The following RPS6KB1 variants were observed in gnomAD, a reference collection of about 807,000 sequenced individuals.
RPS6KB1 encodes ribosomal protein S6 kinase beta-1.
RPS6KB1 carries 12 observed loss-of-function variants against 70.2 expected under a neutral mutation model. The observed-to-expected ratio is 0.17, with a 90% confidence interval of 0.11 to 0.28. The LOEUF (loss-of-function observed/expected upper bound fraction) is 0.28. Ranked by LOEUF, RPS6KB1 falls within the 10% of genes least tolerant of loss-of-function variation. The probability of loss-of-function intolerance (pLI) is 1.00; values close to 1 mark genes in which losing one functional copy is unlikely to be tolerated. For synonymous variants in RPS6KB1, 175 were observed against 211.2 expected (o/e 0.83, Z 1.49); for missense variants, 270 against 646.6 (o/e 0.42, Z 6.32).
Position 59,944,791 on chromosome 17 carries a change from C to CT in RPS6KB1, c.1228-597dup, listed in dbSNP as rs3066277. ...TTACATTTCTCCTAGTATTTAACATCTTTTTTTTTTTTTTTTTTAATTTTT... is the reference window on the plus strand; with the variant it reads ...TTACATTTCTCCTAGTATTTAACATCTTTTTTTTTTTTTTTTTTTAATTTTT... On this transcript the variant is annotated intron_variant, in intron 13 of 14. Coordinates refer to ENST00000225577, the MANE Select transcript of RPS6KB1 (RefSeq NM_003161.4). Among the ~76,000 whole-genome samples the CT allele has an allele frequency of 3.1e-3, 415 of 134,478 alleles. 2 individuals carry two copies. The highest frequency in any genetic ancestry group is 3.4e-3 in the African/African-American group (126 of 36,534). 88.2% of individuals were successfully genotyped at this position (134,478 alleles called of 152,430 possible).
In RPS6KB1 at chr17:59,934,394, A is replaced by G. The variant is rs1435829292; in HGVS notation, c.780-40A>G. The G allele has an allele frequency of 6.4e-7, 1 of 1,562,692 alleles. No individual in the cohort carries two copies. The highest frequency in any genetic ancestry group is 8.8e-7 in the Non-Finnish European group (1 of 1,133,674). On this transcript the variant is annotated intron_variant, in intron 8 of 14. Coordinates refer to ENST00000225577, the MANE Select transcript of RPS6KB1 (RefSeq NM_003161.4). This position sits in a 1 kb window ranked among gnomAD's most constrained non-coding sequence, Gnocchi z 4.8. ...AAAATTCTAATTCAGATGATATGCA[A>G]ATGGGTGAATTTTTAAGCATATTAT...
intron 12 of RPS6KB1, among the ~76,000 whole-genome samples, chr17:59,938,156 T>C (rs951014288): frequency 4.3e-5 from 6 of 139,032 alleles, no homozygotes; most frequent in African/African-American, 1.6e-4. Context: ...TTTTTTTTCC[T>C]TTTTCTTTTC....
chr17:59,912,166 T>G (rs1369511275), intron 2 of RPS6KB1: 1 of 159,876 alleles, frequency 6.3e-6, no homozygotes, highest in African/African-American at 2.4e-5. Flanking sequence ...ATAATTGTCT[T>G]CTTTTACTTT....
chr17:59,908,638 A>AT (rs2042410902), intron 1 of RPS6KB1, among the ~76,000 whole-genome samples: 1 of 54,036 alleles, frequency 1.9e-5, no homozygotes, highest in Non-Finnish European at 3.2e-5. Context: ...TTTTTTTTTG[A>AT]GACGGAGTCT....
intron 4 of RPS6KB1, among the ~76,000 whole-genome samples, chr17:59,922,370 C>T (rs2043316861): frequency 6.6e-6 from 1 of 151,580 alleles, no homozygotes; most frequent in South Asian, 2.1e-4. Flanking sequence ...AACAAGTGAT[C>T]TGTGGAATGA....
chr17:59,946,780 A>C lies in RPS6KB1; in HGVS notation c.1570A>C (p.Asn524His), dbSNP rs1255679788. ...CAAACGGCCAGAGCACCTGCGTATG[A>C]ATCTATGACAGAGCAATGCTTTTAA... ...ISKRPEHLRM[N>H]L The change falls in exon 15 of 15, where the codon AAT becomes CAT. Residue 524 changes from asparagine to histidine, a missense_variant. Transcript: ENST00000225577. The surrounding 1 kb of genome is among the most constrained non-coding windows in gnomAD (Gnocchi z 4.2). The C allele has an allele frequency of 6.2e-7, 1 of 1,614,022 alleles. No individual in the cohort carries two copies. The highest frequency in any genetic ancestry group is 1.3e-5 in the African/African-American group (1 of 74,912).
chr17:59,935,138 T>C (rs2044155276), intron 9 of RPS6KB1, 55 bp from the exon 10 acceptor site: 4 of 1,067,160 alleles, frequency 3.7e-6, no homozygotes, highest in East Asian at 2.4e-5. Flanking sequence ...TTGTTTCTTA[T>C]ATGCTAATAT....
intron 4 of RPS6KB1, among the ~76,000 whole-genome samples, chr17:59,919,878 G>A (rs1178893388): frequency 6.6e-6 from 1 of 151,912 alleles, no homozygotes; most frequent in East Asian, 1.9e-4. Flanking sequence ...ACCTTGCTGG[G>A]GTTCTATAGA....
At chr17:59,922,746 A>T (rs536714513) in intron 4 of RPS6KB1, among the ~76,000 whole-genome samples, 1 of 151,646 alleles carries the variant, frequency 6.6e-6, no homozygotes, top group Non-Finnish European at 1.5e-5. Flanking sequence ...GGGTTTCACC[A>T]TGTTGGCCAG....
At chr17:59,932,384 C>T (rs1384078067) in intron 7 of RPS6KB1, among the ~76,000 whole-genome samples, 1 of 151,968 alleles carries the variant, frequency 6.6e-6, no homozygotes, top group East Asian at 1.9e-4. Flanking sequence ...TATACTCCAG[C>T]CTGAGTGAAA....
rs759346184 is a variant in RPS6KB1 at position 59,893,331 on chromosome 17, G to A, written c.141+6G>A. On this transcript the variant is annotated splice_donor_region_variant and intron_variant, in intron 1 of 14. Coordinates refer to ENST00000225577, the MANE Select transcript of RPS6KB1 (RefSeq NM_003161.4). This position sits in a 1 kb window ranked among gnomAD's most constrained non-coding sequence, Gnocchi z 4.1. The stretch of plus-strand genomic sequence containing the variant: ...AGGATGAGCTGGAGGAGGGGGTGAG[G>A]CCCGGGGTCCCCGGGGGCCCGAGGT... 1 of 1,600,952 alleles carries A rather than the reference G, an allele frequency of 6.2e-7. No homozygotes were observed. The highest frequency in any genetic ancestry group is 8.5e-7 in the Non-Finnish European group (1 of 1,174,016).
chr17:59,919,554 G>A (rs967615603), intron 4 of RPS6KB1, among the ~76,000 whole-genome samples: 16 of 152,084 alleles, frequency 1.1e-4, no homozygotes, highest in Admixed American at 5.9e-4. Flanking sequence ...CCTGGAAAAA[G>A]CATTCTGGAG....
At chr17:59,942,854 C>T (rs1483058611) in intron 13 of RPS6KB1, among the ~76,000 whole-genome samples, 1 of 152,000 alleles carries the variant, frequency 6.6e-6, no homozygotes, top group African/African-American at 2.4e-5. Flanking sequence ...GTGGCATGCA[C>T]CTGTGGTACC....
chr17:59,897,309 G>A (rs182206534), intron 1 of RPS6KB1, among the ~76,000 whole-genome samples: 4 of 152,268 alleles, frequency 2.6e-5, no homozygotes, highest in Admixed American at 1.3e-4. Context: ...AAATAAGTAC[G>A]TAAAGTACAG....
At chr17:59,899,430 A>G (rs1451155688) in intron 1 of RPS6KB1, among the ~76,000 whole-genome samples, 1 of 152,198 alleles carries the variant, frequency 6.6e-6, no homozygotes, top group African/African-American at 2.4e-5. Flanking sequence ...GAAATGAAAC[A>G]TAGCTACAGG....
chr17:59,922,853 C>G (rs963954853), intron 4 of RPS6KB1, among the ~76,000 whole-genome samples: 3 of 145,250 alleles, frequency 2.1e-5, no homozygotes, highest in African/African-American at 7.7e-5. Context: ...CCTATACTCT[C>G]TTTTAAAAAA....
At chr17:59,906,077 G>A (rs1014399391) in intron 1 of RPS6KB1, among the ~76,000 whole-genome samples, 22 of 152,178 alleles carry the variant, frequency 1.4e-4, no homozygotes, top group African/African-American at 4.6e-4. Context: ...TGATTTGTAT[G>A]TGGATATCCA....
intron 2 of RPS6KB1, chr17:59,912,212 C>A (rs146466117): frequency 5.9e-4 from 121 of 204,032 alleles, no homozygotes; most frequent in Non-Finnish European, 6.3e-4. Flanking sequence ...TCACCAGCAG[C>A]TGTATTGGAG....
At chr17:59,915,780 T>TA (rs1487201909) in intron 4 of RPS6KB1, among the ~76,000 whole-genome samples, 39 of 117,760 alleles carry the variant, frequency 3.3e-4, no homozygotes, top group African/African-American at 9.6e-4. Context: ...GCTATCTTTT[T>TA]TTTTTTTTTT....
Sources: gnomAD v4.1 joint callset for allele counts (sites outside exome capture counted in the v4.1 genomes callset) on GRCh38, gnomAD v4.1.1 for gene constraint, Gnocchi (gnomAD v3.1) non-coding constraint, MANE v1.5 for transcripts, NCBI Gene and HGNC (gene_info 2026-07-23, HGNC 2026-07-21) for gene names.